The following NTM variants were observed in gnomAD, a reference collection of about 807,000 sequenced individuals.
NTM encodes the protein neurotrimin.
In NTM, 13 loss-of-function variants were observed where a neutral mutation model predicts 42.1. That is an observed-to-expected ratio of 0.31 (90% CI 0.20 to 0.49). NTM has a LOEUF of 0.49. Ranked by LOEUF, NTM falls within the 20% of genes least tolerant of loss-of-function variation. The pLI is 0.99. For missense variants in NTM, 373 were observed against 452.8 expected, an observed-to-expected ratio of 0.82 and a Z score of 1.60; for synonymous variants, 187 against 179.2, an observed-to-expected ratio of 1.04 and a Z score of -0.35.
intron 1 of NTM, among the ~76,000 whole-genome samples, chr11:131,637,560 G>C (rs1282629940): frequency 6.6e-6 from 1 of 151,208 alleles, no homozygotes; most frequent in African/African-American, 2.4e-5. Flanking sequence ...TCTTCTGCTT[G>C]TGAGTGAAGC....
intron 2 of NTM, among the ~76,000 whole-genome samples, chr11:131,959,976 A>G (rs2061969148): frequency 6.6e-6 from 1 of 152,222 alleles, no homozygotes; most frequent in African/African-American, 2.4e-5. Context: ...TAGAGATTGC[A>G]CAGACCTGAG....
intron 2 of NTM, among the ~76,000 whole-genome samples, chr11:131,983,967 A>C (rs1390294701): frequency 1.3e-5 from 2 of 152,238 alleles, no homozygotes; most frequent in African/African-American, 4.8e-5. Flanking sequence ...ACTTTTTCAC[A>C]TTCTTTTGGC....
chr11:131,549,353 A>G (rs1415946250), intron 1 of NTM, among the ~76,000 whole-genome samples: 1 of 152,174 alleles, frequency 6.6e-6, no homozygotes, highest in Non-Finnish European at 1.5e-5. Flanking sequence ...CCCTATATAG[A>G]AGAAACCCCA....
chr11:131,987,480 A>G (rs912366298), intron 2 of NTM, among the ~76,000 whole-genome samples: 4 of 151,854 alleles, frequency 2.6e-5, no homozygotes, highest in Non-Finnish European at 5.9e-5. Flanking sequence ...AATTTGACCC[A>G]TTAAGCTGTT....
At chr11:131,601,141 T>C (rs931261879) in intron 1 of NTM, among the ~76,000 whole-genome samples, 1 of 152,152 alleles carries the variant, frequency 6.6e-6, no homozygotes, top group African/African-American at 2.4e-5. Flanking sequence ...CTGAGAGGGG[T>C]GGGCCACGCC....
At chr11:131,571,328 T>C (rs1417832942) in intron 1 of NTM, among the ~76,000 whole-genome samples, 3 of 152,216 alleles carry the variant, frequency 2.0e-5, no homozygotes, top group African/African-American at 7.2e-5. Context: ...CCAAGCGCCG[T>C]ACTTGACGAT....
chr11:131,929,323 CG>C (rs142070528), intron 2 of NTM, among the ~76,000 whole-genome samples: 6 of 142,316 alleles, frequency 4.2e-5, no homozygotes, highest in Admixed American at 1.4e-4. Context: ...CCTGAACCAA[CG>C]GGGGGGCACA....
At chr11:131,925,212 G>A (rs2057773538) in intron 2 of NTM, among the ~76,000 whole-genome samples, 1 of 152,054 alleles carries the variant, frequency 6.6e-6, no homozygotes. Flanking sequence ...AATGGCTGGA[G>A]GTCACTTATT....
intron 1 of NTM, chr11:131,794,623 TTGAATGAATGAA>T (rs112964113): frequency 1.1e-6 from 1 of 940,006 alleles, no homozygotes; most frequent in African/African-American, 1.8e-5. Context: ...TGGATGAGTG[TTGAATGAATGAA>T]TGAATGAATG....
intron 1 of NTM, among the ~76,000 whole-genome samples, chr11:131,866,257 T>C (rs1337706136): frequency 6.6e-6 from 1 of 151,816 alleles, no homozygotes; most frequent in Non-Finnish European, 1.5e-5. Context: ...TCTTTTTCCA[T>C]TCAGCCTTGT....
chr11:131,986,312 G>A (rs948925134), intron 2 of NTM, among the ~76,000 whole-genome samples: 4 of 152,144 alleles, frequency 2.6e-5, no homozygotes, highest in Non-Finnish European at 5.9e-5. Context: ...TCTGGATTTT[G>A]CATCCTCTTT....
rs886176749 is a variant in NTM, at chr11:132,232,198, C to T, written c.526+20051C>T. On this transcript the variant is annotated intron_variant, in intron 4 of 8. Coordinates refer to ENST00000683400, the MANE Select transcript of NTM (RefSeq NM_001352005.2). ...ACAATTCATATTGACTATAAACTTC[C>T]CACTGTGCGAGGAAAGGAAAGGAGG... Among the ~76,000 whole-genome samples, 12 of 152,050 alleles carry T rather than the reference C, an allele frequency of 7.9e-5. No homozygotes were observed. In the South Asian group the frequency reaches 8.3e-4, roughly 10 times the overall value.
chr11:131,623,028 C>T (rs557201243), intron 1 of NTM, among the ~76,000 whole-genome samples: 6 of 152,322 alleles, frequency 3.9e-5, no homozygotes, highest in South Asian at 2.1e-4. Context: ...TTATCTCAAA[C>T]GATCTCAGAA....
At chr11:131,815,518 G>T (rs2092916556) in intron 1 of NTM, among the ~76,000 whole-genome samples, 1 of 152,166 alleles carries the variant, frequency 6.6e-6, no homozygotes, top group Non-Finnish European at 1.5e-5. Flanking sequence ...AGCTCTTAAA[G>T]AATTTTCTTG....
chr11:132,272,086 A>T (rs953864127), intron 4 of NTM, among the ~76,000 whole-genome samples: 2 of 152,032 alleles, frequency 1.3e-5, no homozygotes, highest in Non-Finnish European at 2.9e-5. Flanking sequence ...ATTCTTTTGC[A>T]TGTGGATATC....
intron 1 of NTM, among the ~76,000 whole-genome samples, chr11:131,591,152 C>A (rs972327376): frequency 6.6e-6 from 1 of 152,228 alleles, no homozygotes; most frequent in Non-Finnish European, 1.5e-5. Context: ...TGTTAAGACT[C>A]AAATTCCTCA....
intron 1 of NTM, among the ~76,000 whole-genome samples, chr11:131,482,548 CCCTCCATCATATTTGATGG>C (rs1472627629): frequency 1.9e-4 from 29 of 152,298 alleles, no homozygotes; most frequent in African/African-American, 6.5e-4. Context: ...GATGTGTCCT[CCCTCCATCATATTTGATGG>C]CCACAGGAAT....
chr11:131,856,216 C>T (rs2046081869), intron 1 of NTM, among the ~76,000 whole-genome samples: 1 of 152,164 alleles, frequency 6.6e-6, no homozygotes, highest in Non-Finnish European at 1.5e-5. Context: ...TTTTCCACAT[C>T]TCACTGCTAC....
chr11:131,941,099 T>A (rs1474961451), intron 2 of NTM, among the ~76,000 whole-genome samples: 1 of 152,134 alleles, frequency 6.6e-6, no homozygotes, highest in Non-Finnish European at 1.5e-5. Flanking sequence ...GACAGGCACA[T>A]TGTACAATTT....
Sources: gnomAD v4.1 joint callset for allele counts (sites outside exome capture counted in the v4.1 genomes callset) on GRCh38, gnomAD v4.1.1 for gene constraint, MANE v1.5 for transcripts, NCBI Gene and HGNC (gene_info 2026-07-23, HGNC 2026-07-21) for gene names.